The following PALS2 variants were observed in gnomAD, a reference collection of about 807,000 sequenced individuals.
The protein encoded by PALS2 is protein associated with LIN7 2, MAGUK p55 family member.
A neutral mutation model predicts 61.6 loss-of-function variants in PALS2; 27 were observed. The ratio of observed to expected loss-of-function variants is 0.44; its 90% confidence interval spans 0.32 to 0.60. The LOEUF (loss-of-function observed/expected upper bound fraction) is 0.60, where lower values mean the gene tolerates loss of function less well. PALS2 is among the 20% of genes least tolerant of loss of function. The probability of loss-of-function intolerance (pLI) is 0.05; values close to 1 mark genes in which losing one functional copy is unlikely to be tolerated. For missense variants in PALS2, 554 were observed against 639.4 expected, an observed-to-expected ratio of 0.87 and a Z score of 1.44; for synonymous variants, 236 against 218.6, an observed-to-expected ratio of 1.08 and a Z score of -0.70.
chr7:24,651,262 T>G (rs1482070619), intron 5 of PALS2, among the ~76,000 whole-genome samples: 13 of 152,138 alleles, frequency 8.5e-5, no homozygotes, highest in Non-Finnish European at 2.9e-5. Context: ...AGACTCGGTA[T>G]GTTAAGTGAA....
chr7:24,634,617 T>C (rs77563139), intron 2 of PALS2, among the ~76,000 whole-genome samples: 9,632 of 152,300 alleles, frequency 0.063, 353 homozygotes, highest in African/African-American at 0.093. Context: ...TGTAAGAATC[T>C]TTTGCTAAAT....
At chr7:24,667,467 C>A (rs1463424135) in intron 8 of PALS2, among the ~76,000 whole-genome samples, 1 of 152,090 alleles carries the variant, frequency 6.6e-6, no homozygotes, top group Non-Finnish European at 1.5e-5. Flanking sequence ...TTCTGTGGAA[C>A]TTACTTAAGC....
intron 3 of PALS2, 136 bp downstream of exon 3, chr7:24,642,004 G>T (rs377292175): frequency 1.8e-5 from 16 of 866,892 alleles, no homozygotes; most frequent in Admixed American, 1.1e-4. Context: ...TCCAACCTTG[G>T]TATTTTAATG....
At chr7:24,641,894 C>G (rs1345487708) in intron 3 of PALS2, 26 bp downstream of exon 3, 34 of 1,602,004 alleles carry the variant, frequency 2.1e-5, no homozygotes, top group Non-Finnish European at 2.6e-5. Context: ...ACTCAACTCT[C>G]AAGTTCCCTG....
intron 2 of PALS2, among the ~76,000 whole-genome samples, chr7:24,632,294 C>A (rs755467831): frequency 1.3e-5 from 2 of 152,200 alleles, no homozygotes; most frequent in Non-Finnish European, 2.9e-5. Context: ...TAGCATGATA[C>A]ACCTTTCTCC....
chr7:24,643,721 A>G (rs1785682390), intron 3 of PALS2, among the ~76,000 whole-genome samples: 1 of 152,084 alleles, frequency 6.6e-6, no homozygotes, highest in African/African-American at 2.4e-5. Flanking sequence ...GTCCTGCAGA[A>G]TGTTCCACCC....
intron 1 of PALS2, among the ~76,000 whole-genome samples, chr7:24,580,278 C>CT (rs1345024385): frequency 6.6e-6 from 1 of 152,094 alleles, no homozygotes; most frequent in East Asian, 1.9e-4. Flanking sequence ...TGGAGCTATC[C>CT]TACGCTAAAG....
chr7:24,647,803 A>T (rs1458262671), intron 3 of PALS2, among the ~76,000 whole-genome samples: 1 of 152,038 alleles, frequency 6.6e-6, no homozygotes, highest in Non-Finnish European at 1.5e-5. Flanking sequence ...TGGATTTTTT[A>T]TTCAGTGTTT....
intron 1 of PALS2, among the ~76,000 whole-genome samples, chr7:24,622,085 T>C (rs967819186): frequency 2.0e-5 from 3 of 152,104 alleles, no homozygotes; most frequent in Admixed American, 2.0e-4. Flanking sequence ...TTAGTAAGTT[T>C]TGAAATTGAG....
At chr7:24,610,686 TAAG>T (rs1051883040) in intron 1 of PALS2, among the ~76,000 whole-genome samples, 3 of 152,166 alleles carry the variant, frequency 2.0e-5, no homozygotes, top group African/African-American at 7.2e-5. Flanking sequence ...AATTTAATCT[TAAG>T]AAAATGAAAT....
At chr7:24,593,543 A>T (rs1384673607) in intron 1 of PALS2, among the ~76,000 whole-genome samples, 1 of 152,132 alleles carries the variant, frequency 6.6e-6, no homozygotes, top group East Asian at 1.9e-4. Context: ...CTTAAATAAG[A>T]TTTGAAAGTC....
At chr7:24,599,111 T>G (rs1027768803) in intron 1 of PALS2, among the ~76,000 whole-genome samples, 11 of 152,140 alleles carry the variant, frequency 7.2e-5, no homozygotes, top group African/African-American at 1.9e-4. Context: ...CGTGCAAACA[T>G]AGAGAGTACT....
chr7:24,654,415 G>A (rs1786312214), intron 5 of PALS2, among the ~76,000 whole-genome samples: 1 of 152,080 alleles, frequency 6.6e-6, no homozygotes, highest in African/African-American at 2.4e-5. Flanking sequence ...AAATAATAGA[G>A]TTTACCAAGG....
At chr7:24,652,240 T>A (rs1377743146) in intron 5 of PALS2, among the ~76,000 whole-genome samples, 1 of 152,148 alleles carries the variant, frequency 6.6e-6, no homozygotes, top group Non-Finnish European at 1.5e-5. Flanking sequence ...TGGTCTAAAC[T>A]CCAGAATTCT....
chr7:24,679,057 A>C (rs755304716), intron 9 of PALS2, 74 bp from the exon 10 acceptor site: 1 of 1,363,032 alleles, frequency 7.3e-7, no homozygotes, highest in East Asian at 2.3e-5. Flanking sequence ...ACGTTAAGCC[A>C]CCCTATGTAT....
intron 1 of PALS2, among the ~76,000 whole-genome samples, chr7:24,588,623 A>G (rs1424892959): frequency 1.3e-5 from 2 of 152,192 alleles, no homozygotes; most frequent in African/African-American, 4.8e-5. Flanking sequence ...CCTTAAGGGA[A>G]AAACTATCTT....
At chr7:24,576,256 G>A (rs577948414) in intron 1 of PALS2, among the ~76,000 whole-genome samples, 4 of 152,126 alleles carry the variant, frequency 2.6e-5, no homozygotes, top group African/African-American at 9.6e-5. Flanking sequence ...TTATTTTTTT[G>A]TTGTAGGGAC....
chr7:24,626,261 T>G (rs982543433), intron 2 of PALS2, among the ~76,000 whole-genome samples: 1 of 151,966 alleles, frequency 6.6e-6, no homozygotes, highest in African/African-American at 2.4e-5. Context: ...TAAGTGAATT[T>G]AAAGATAGGT....
intron 11 of PALS2, among the ~76,000 whole-genome samples, chr7:24,686,080 T>G (rs940936408): frequency 3.9e-5 from 6 of 152,172 alleles, no homozygotes; most frequent in African/African-American, 1.4e-4. Context: ...CCCTCAACTC[T>G]GTATCTCCCA....
Sources: allele counts gnomAD v4.1 joint callset (sites outside exome capture counted in the v4.1 genomes callset), GRCh38; gene constraint gnomAD v4.1.1; transcripts MANE v1.5; gene names NCBI Gene and HGNC (gene_info 2026-07-23, HGNC 2026-07-21).